The following DPP10 variants were observed in gnomAD, a reference collection of about 807,000 sequenced individuals.
DPP10 encodes the protein inactive dipeptidyl peptidase 10.
In DPP10, 33 loss-of-function variants were observed where a neutral mutation model predicts 120.9. The observed-to-expected ratio is 0.27, with a 90% confidence interval of 0.21 to 0.37. DPP10 has a LOEUF of 0.37. Ranked by LOEUF, DPP10 falls within the 10% of genes least tolerant of loss-of-function variation. DPP10 has a pLI of 1.00. For synonymous variants in DPP10, 337 were observed against 326.1 expected (o/e 1.03, Z -0.36); for missense variants, 816 against 942.8 (o/e 0.87, Z 1.76).
intron 3 of DPP10, among the ~76,000 whole-genome samples, chr2:115,435,324 G>A (rs843410): frequency 0.031 from 4,698 of 151,606 alleles, 241 homozygotes; most frequent in African/African-American, 0.11. Context: ...AACAGTGTGC[G>A]AGAGTTACCC....
intron 11 of DPP10, among the ~76,000 whole-genome samples, chr2:115,761,168 AG>A (rs1247219074): frequency 1.3e-5 from 2 of 149,452 alleles, no homozygotes; most frequent in Non-Finnish European, 3.0e-5. Flanking sequence ...ACACTTTGGG[AG>A]GCCAAGTGGG....
At position 114,721,631 on chromosome 2, in the gene DPP10, T is replaced by C. The variant is rs115610714; in HGVS notation, c.60+278793T>C. On this transcript the variant is annotated intron_variant, in intron 1 of 25. Transcript: ENST00000410059. Reference sequence around the variant, plus strand: ...CTATCCTGATTCTACAGATCAGCCCTGCCCAAAAGTGCCTGCTGATAGTCA... The same window carrying C: ...CTATCCTGATTCTACAGATCAGCCCCGCCCAAAAGTGCCTGCTGATAGTCA... Among the ~76,000 whole-genome samples, 434 of 152,322 alleles carry C rather than the reference T, an allele frequency of 2.8e-3. 2 individuals carry two copies. Among genetic ancestry groups the C allele is most frequent in the African/African-American group, 9.8e-3 (406 of 41,580 alleles).
rs1398527544 is a variant in DPP10, at chr2:115,331,237, G to A, written c.176-12580G>A. 2.0e-5 allele frequency among the ~76,000 whole-genome samples: 3 copies of A among 152,148 alleles called. No homozygotes were observed. In the East Asian group the frequency reaches 5.8e-4, roughly 30 times the overall value. On this transcript the variant is annotated intron_variant, in intron 2 of 25. Coordinates refer to ENST00000410059, the MANE Select transcript of DPP10 (RefSeq NM_020868.6). ...ATTTGGCTCTCTGTCTGTTATTTGTGTATAAGAATGCTTGTGATTTTTGCA... is the reference window on the plus strand; with the variant it reads ...ATTTGGCTCTCTGTCTGTTATTTGTATATAAGAATGCTTGTGATTTTTGCA...
chr2:115,748,801 A>G (rs972611059), intron 10 of DPP10, among the ~76,000 whole-genome samples: 6 of 152,182 alleles, frequency 3.9e-5, no homozygotes, highest in African/African-American at 1.4e-4. Flanking sequence ...AAGAAATTAA[A>G]AGGATAAGAT....
At chr2:114,624,176 A>T (rs1440903221) in intron 1 of DPP10, among the ~76,000 whole-genome samples, 1 of 151,996 alleles carries the variant, frequency 6.6e-6, no homozygotes, top group Non-Finnish European at 1.5e-5. Context: ...TTCACCAAGA[A>T]TAAATAATTT....
At chr2:115,782,747 T>A (rs1444124575) in intron 17 of DPP10, among the ~76,000 whole-genome samples, 3 of 152,146 alleles carry the variant, frequency 2.0e-5, no homozygotes, top group African/African-American at 7.2e-5. Context: ...TCCTCCAGAA[T>A]AACCTTTTGA....
Position 115,697,090 on chromosome 2 carries a change from A to T in DPP10, c.576+7169A>T, listed in dbSNP as rs2091633568. ...AGAAAATAATAAATATACACAAAAG[A>T]AAGGAAATGAGAATGGAATTAAAAC... On this transcript the variant is annotated intron_variant, in intron 7 of 25. Coordinates refer to ENST00000410059, the MANE Select transcript of DPP10 (RefSeq NM_020868.6). Among the ~76,000 whole-genome samples the T allele has an allele frequency of 2.6e-5, 4 of 152,126 alleles. 1 individual carries two copies. In the South Asian group the frequency reaches 8.3e-4, roughly 31 times the overall value.
intron 1 of DPP10, among the ~76,000 whole-genome samples, chr2:115,182,069 A>G (rs1464966992): frequency 1.3e-5 from 2 of 152,226 alleles, no homozygotes; most frequent in Non-Finnish European, 2.9e-5. Context: ...AGAAATAAAT[A>G]TAAAGCAATC....
intron 3 of DPP10, among the ~76,000 whole-genome samples, chr2:115,490,290 G>A (rs2076033057): frequency 6.6e-6 from 1 of 152,254 alleles, no homozygotes; most frequent in Admixed American, 6.5e-5. Context: ...GGCAGCAGGA[G>A]AGAGAATGAG....
chr2:114,501,484 C>A (rs1037366770), intron 1 of DPP10, among the ~76,000 whole-genome samples: 1 of 152,076 alleles, frequency 6.6e-6, no homozygotes, highest in South Asian at 2.1e-4. Context: ...AAAAAGCAAT[C>A]CATAATTTTC....
chr2:115,768,372 G>A lies in DPP10; in HGVS notation c.1189G>A (p.Glu397Lys), dbSNP rs1217390880. ...TVPVKQGGRG[E>K]FHHVAMFLIQ... is the part of the protein sequence containing the mutation. Reference sequence around the variant, plus strand: ...GCCTGTTAAGCAAGGGGGACGTGGAGAATTTCACCACGTAGCTATGTTCCT... The same window carrying A: ...GCCTGTTAAGCAAGGGGGACGTGGAAAATTTCACCACGTAGCTATGTTCCT... Residue 397 changes from glutamate to lysine, a missense_variant, in exon 13 of 26, where the codon GAA (glutamate) becomes AAA (lysine). By Grantham distance (56) the Glu-to-Lys change is moderately conservative (BLOSUM62 1). Around this residue, in one of 3 missense-constraint regions of DPP10, gnomAD observed 592 missense variants for 649.0 expected, o/e 0.91. Coordinates refer to ENST00000410059, the MANE Select transcript of DPP10 (RefSeq NM_020868.6). 4 of 1,613,602 alleles carry A rather than the reference G, an allele frequency of 2.5e-6. No individual in the cohort carries two copies. The highest frequency in any genetic ancestry group is 3.4e-6 in the Non-Finnish European group (4 of 1,179,652).
intron 1 of DPP10, among the ~76,000 whole-genome samples, chr2:114,523,462 G>A (rs936999630): frequency 3.9e-5 from 6 of 152,172 alleles, no homozygotes; most frequent in Non-Finnish European, 5.9e-5. Flanking sequence ...TTTCCCAATG[G>A]TGTCTCCTGT....
At chr2:115,641,621 T>C (rs1381804952) in intron 5 of DPP10, among the ~76,000 whole-genome samples, 1 of 152,190 alleles carries the variant, frequency 6.6e-6, no homozygotes, top group Non-Finnish European at 1.5e-5. Flanking sequence ...GTATTATTAG[T>C]TTTCTGCTAT....
chr2:115,333,096 T>C (rs1293347648), intron 2 of DPP10, among the ~76,000 whole-genome samples: 3 of 151,542 alleles, frequency 2.0e-5, no homozygotes, highest in Admixed American at 6.6e-5. Context: ...GCTTTATGAA[T>C]CTGGGTGCTC....
intron 5 of DPP10, among the ~76,000 whole-genome samples, chr2:115,542,085 C>A (rs1482931298): frequency 6.6e-6 from 1 of 151,802 alleles, no homozygotes; most frequent in African/African-American, 2.4e-5. Flanking sequence ...AGATCTTAAA[C>A]CTGTTTTTGC....
chr2:115,073,638 C>T (rs938494263), intron 1 of DPP10, among the ~76,000 whole-genome samples: 3 of 152,234 alleles, frequency 2.0e-5, no homozygotes, highest in African/African-American at 7.2e-5. Flanking sequence ...ATTTTGTAAT[C>T]AGAGATTTGA....
intron 1 of DPP10, among the ~76,000 whole-genome samples, chr2:114,578,982 C>T (rs530290423): frequency 4.6e-5 from 7 of 152,030 alleles, no homozygotes; most frequent in East Asian, 3.9e-4. Flanking sequence ...TTTGACCTTT[C>T]GTCATACTCT....
At chr2:114,645,080 G>C (rs1370809687) in intron 1 of DPP10, among the ~76,000 whole-genome samples, 2 of 150,190 alleles carry the variant, frequency 1.3e-5, no homozygotes, top group African/African-American at 2.5e-5. Context: ...AGCAAGTATT[G>C]TAAGTGTGAT....
intron 3 of DPP10, among the ~76,000 whole-genome samples, chr2:115,389,461 A>T (rs870925): frequency 6.6e-6 from 1 of 151,912 alleles, no homozygotes; most frequent in Non-Finnish European, 1.5e-5. Flanking sequence ...AGAAGGAATC[A>T]TTGCTATTTT....
Sources: gnomAD v4.1 joint callset for allele counts (sites outside exome capture counted in the v4.1 genomes callset) on GRCh38, gnomAD v4.1.1 for gene constraint, gnomAD v4.1.1 regional missense constraint, MANE v1.5 for transcripts, NCBI Gene and HGNC (gene_info 2026-07-23, HGNC 2026-07-21) for gene names.